Variants in IQSEC1 observed in about 807,000 individuals in gnomAD.
IQSEC1 encodes the protein IQ motif and Sec7 domain ArfGEF 1, also known as IQ motif and SEC7 domain-containing protein 1.
A neutral mutation model predicts 91.0 loss-of-function variants in IQSEC1; 31 were observed. That is an observed-to-expected ratio of 0.34 (90% CI 0.26 to 0.46). The LOEUF (loss-of-function observed/expected upper bound fraction) is 0.46. IQSEC1 is among the 20% of genes least tolerant of loss of function. The pLI is 1.00. For synonymous variants in IQSEC1, 699 were observed against 662.6 expected, an observed-to-expected ratio of 1.05 and a Z score of -0.84; for missense variants, 1,388 against 1,575.6, an observed-to-expected ratio of 0.88 and a Z score of 2.02.
chr3:13,154,327 C>G (rs1415995793), intron 2 of IQSEC1, among the ~76,000 whole-genome samples: 2 of 150,150 alleles, frequency 1.3e-5, no homozygotes, highest in Non-Finnish European at 3.0e-5. Context: ...GGATCTTCCT[C>G]AGGCTCCTTA....
chr3:12,921,714 T>A (rs886899346), intron 5 of IQSEC1, among the ~76,000 whole-genome samples: 17 of 152,208 alleles, frequency 1.1e-4, no homozygotes, highest in Non-Finnish European at 2.2e-4. Context: ...TGGCTTGTGC[T>A]CCGAGTCACT....
At chr3:12,942,174 T>G (rs1050118876) in intron 1 of IQSEC1, among the ~76,000 whole-genome samples, 3 of 152,242 alleles carry the variant, frequency 2.0e-5, no homozygotes, top group Non-Finnish European at 2.9e-5. Flanking sequence ...ACAGCAGTTT[T>G]GGCCACTGGG....
At chr3:13,212,629 C>T (rs1694467416) in intron 1 of IQSEC1, among the ~76,000 whole-genome samples, 1 of 152,212 alleles carries the variant, frequency 6.6e-6, no homozygotes, top group African/African-American at 2.4e-5. Flanking sequence ...ACATTCTCAC[C>T]CACAATGCAT....
At chr3:13,072,639 C>T (rs1559248620) in intron 1 of IQSEC1, among the ~76,000 whole-genome samples, 1 of 152,232 alleles carries the variant, frequency 6.6e-6, no homozygotes, top group Non-Finnish European at 1.5e-5. Context: ...GCGTGCTGGG[C>T]AGAGATTCTC....
Position 12,902,753 on chromosome 3 carries a change from C to T in IQSEC1, c.2805+20G>A, listed in dbSNP as rs753271995. 3 of 1,575,822 alleles carry T rather than the reference C, an allele frequency of 1.9e-6. No homozygotes were observed. Among genetic ancestry groups the T allele is most frequent in the South Asian group, 2.2e-5 (2 of 90,384 alleles). On this transcript the variant is annotated intron_variant, in intron 13 of 13. Coordinates refer to ENST00000613206, the MANE Select transcript of IQSEC1 (RefSeq NM_001134382.3). ...AGGCGACACAGGACAGCCAGCTGGA[C>T]AGAGGCGCTTCCTACTTACTTCCAC...
chr3:12,912,589 G>A (rs377091137), intron 9 of IQSEC1, among the ~76,000 whole-genome samples: 15 of 151,412 alleles, frequency 9.9e-5, no homozygotes, highest in South Asian at 2.1e-4. Flanking sequence ...GCGTGAACCC[G>A]GGAAGCGGAG....
At chr3:13,154,184 G>A (rs758046462) in intron 2 of IQSEC1, among the ~76,000 whole-genome samples, 3 of 151,536 alleles carry the variant, frequency 2.0e-5, no homozygotes, top group Non-Finnish European at 4.4e-5. Flanking sequence ...CTCTTGTTGC[G>A]GGGAAGAAGA....
chr3:13,271,894 G>C (rs1450101465), intron 1 of IQSEC1, among the ~76,000 whole-genome samples: 1 of 152,172 alleles, frequency 6.6e-6, no homozygotes, highest in Non-Finnish European at 1.5e-5. Flanking sequence ...CAGGTAGGCA[G>C]ACCAACAAGG....
intron 6 of IQSEC1, among the ~76,000 whole-genome samples, chr3:12,916,516 G>T (rs564788465): frequency 2.0e-5 from 3 of 152,230 alleles, no homozygotes; most frequent in Non-Finnish European, 4.4e-5. Context: ...CCATCCGCCA[G>T]ACTGCAGTCC....
chr3:13,243,268 T>A (rs1264929421), intron 1 of IQSEC1, among the ~76,000 whole-genome samples: 3 of 151,978 alleles, frequency 2.0e-5, no homozygotes, highest in Non-Finnish European at 4.4e-5. Context: ...CCCTCTGTGG[T>A]GTCCAAGCTT....
At chr3:13,099,454 G>A (rs374135390) in intron 2 of IQSEC1, among the ~76,000 whole-genome samples, 2 of 152,212 alleles carry the variant, frequency 1.3e-5, no homozygotes, top group East Asian at 1.9e-4. Context: ...AGGTGGTGCT[G>A]CTCAGGGCTT....
At chr3:12,943,372 C>T (rs964326735) in intron 1 of IQSEC1, among the ~76,000 whole-genome samples, 2 of 152,242 alleles carry the variant, frequency 1.3e-5, no homozygotes, top group East Asian at 1.9e-4. Flanking sequence ...TGTGTGCAGA[C>T]GCTGGTTTCC....
chr3:13,135,037 G>A (rs953725507), intron 2 of IQSEC1, among the ~76,000 whole-genome samples: 7 of 152,306 alleles, frequency 4.6e-5, no homozygotes, highest in Admixed American at 2.6e-4. Flanking sequence ...AAGGAACTGC[G>A]TCGTGTTGTG....
intron 1 of IQSEC1, among the ~76,000 whole-genome samples, chr3:13,067,258 G>C (rs1011543854): frequency 3.3e-5 from 5 of 152,216 alleles, no homozygotes; most frequent in Non-Finnish European, 5.9e-5. Flanking sequence ...TGGAAAGAGC[G>C]GGAAGGGCAG....
At chr3:12,962,492 G>A (rs377473833) in intron 1 of IQSEC1, among the ~76,000 whole-genome samples, 2 of 152,298 alleles carry the variant, frequency 1.3e-5, no homozygotes, top group East Asian at 3.9e-4. Flanking sequence ...CTGGGGACTC[G>A]TTCCAATTCT....
chr3:12,910,251 C>A (rs1012293576), intron 10 of IQSEC1, among the ~76,000 whole-genome samples: 5 of 152,222 alleles, frequency 3.3e-5, no homozygotes, highest in African/African-American at 9.6e-5. Flanking sequence ...CAGTTTGAGA[C>A]CCCTGGAATG....
rs948896690 is a variant in IQSEC1, at chr3:12,898,482, A to G, written c.*2501T>C. 2.0e-5 allele frequency: 3 copies of G among 152,236 alleles called. No individual in the cohort carries two copies. Among genetic ancestry groups the G allele is most frequent in the African/African-American group, 7.2e-5 (3 of 41,454 alleles). 9.4% of individuals were successfully genotyped at this position (152,236 alleles called of 1,614,324 possible). A position where few individuals can be genotyped will look rare whatever the true frequency, so the allele number is the denominator to read the frequency against. On this transcript the variant is annotated 3_prime_UTR_variant, in exon 14 of 14. Transcript: ENST00000613206. ...CACAGCTCCAGGACACACCGAGGAC[A>G]GTGCCACAGGCTGGCAGCCCGAGGC...
In IQSEC1 at chr3:12,936,431, C is replaced by G. The variant is rs781656536; in HGVS notation, c.585G>C (p.Leu195=). Residue 195 remains leucine, a synonymous_variant, in exon 3 of 14, where the codon CTG becomes CTC. Coordinates refer to ENST00000613206, the MANE Select transcript of IQSEC1 (RefSeq NM_001134382.3). ...VTNDGSQLGA[L]VSPECGDLSE... is the part of the protein sequence containing the mutation. ...TGAGGTCACCACACTCAGGGGACAC[C>G]AGGGCTCCCAGCTGGGAGCCGTCGT... The G allele has an allele frequency of 5.0e-6, 8 of 1,601,494 alleles. No individual in the cohort carries two copies. The African/African-American group carries it at 1.1e-4, about 21-fold the overall frequency.
chr3:13,170,495 C>T (rs1693586012), intron 1 of IQSEC1, among the ~76,000 whole-genome samples: 1 of 152,208 alleles, frequency 6.6e-6, no homozygotes, highest in Admixed American at 6.5e-5. Flanking sequence ...GATCCACCAA[C>T]AGCTTGCACC....
Sources: allele counts gnomAD v4.1 joint callset (sites outside exome capture counted in the v4.1 genomes callset), GRCh38; gene constraint gnomAD v4.1.1; transcripts MANE v1.5; gene names NCBI Gene and HGNC (gene_info 2026-07-23, HGNC 2026-07-21).